The following RNF130 variants were observed in gnomAD, a reference collection of about 807,000 sequenced individuals.
RNF130 encodes the protein ring finger protein 130.
In RNF130, 21 loss-of-function variants were observed where a neutral mutation model predicts 44.6. The observed-to-expected ratio is 0.47, with a 90% CI of 0.33 to 0.68. The LOEUF is 0.68. RNF130 is among the 30% of genes least tolerant of loss of function. The pLI is 0.02. For synonymous variants in RNF130, 214 were observed against 210.4 expected (o/e 1.02, Z -0.15); for missense variants, 479 against 560.6 (o/e 0.85, Z 1.47).
At chr5:179,966,032 T>C (rs947907028) in intron 7 of RNF130, among the ~76,000 whole-genome samples, 4 of 151,954 alleles carry the variant, frequency 2.6e-5, no homozygotes, top group Admixed American at 6.6e-5. Flanking sequence ...GGGTGAAAGG[T>C]TGTTAGATGA....
At chr5:180,012,409 G>T (rs959950968) in intron 3 of RNF130, among the ~76,000 whole-genome samples, 3 of 152,130 alleles carry the variant, frequency 2.0e-5, no homozygotes, top group Non-Finnish European at 4.4e-5. Context: ...TCTGTCCACA[G>T]CACATCAATC....
At chr5:180,038,051 T>C (rs1764288951) in intron 2 of RNF130, among the ~76,000 whole-genome samples, 1 of 152,142 alleles carries the variant, frequency 6.6e-6, no homozygotes, top group Non-Finnish European at 1.5e-5. Flanking sequence ...GGGTTTTTTG[T>C]TTAGTTTTGT....
intron 1 of RNF130, among the ~76,000 whole-genome samples, chr5:180,061,926 G>A (rs1433858186): frequency 6.6e-6 from 1 of 152,150 alleles, no homozygotes; most frequent in Non-Finnish European, 1.5e-5. Flanking sequence ...AGTTCTGTAG[G>A]CTGGGAAGTC....
chr5:180,061,213 C>G (rs1386237008), intron 1 of RNF130, among the ~76,000 whole-genome samples: 1 of 152,032 alleles, frequency 6.6e-6, no homozygotes, highest in South Asian at 2.1e-4. Context: ...GGCTTAGGAG[C>G]AGCCTCGGTG....
intron 4 of RNF130, among the ~76,000 whole-genome samples, chr5:179,978,488 TATAAC>T (rs1178963258): frequency 6.6e-6 from 1 of 152,256 alleles, no homozygotes; most frequent in Non-Finnish European, 1.5e-5. Flanking sequence ...TTTTAAAAAT[TATAAC>T]AATCTATATT....
At chr5:179,953,334 G>A (rs1426146351), downstream of RNF130, among the ~76,000 whole-genome samples, 1 of 150,264 alleles carries the variant, frequency 6.7e-6, no homozygotes, top group African/African-American at 2.5e-5. Context: ...AGATTGAGAA[G>A]TTGATTCTAA....
intron 7 of RNF130, among the ~76,000 whole-genome samples, chr5:179,926,664 T>C (rs1761711548): frequency 6.6e-6 from 1 of 151,852 alleles, no homozygotes. Flanking sequence ...ATAAAATAAA[T>C]AAATAAATAA....
At chr5:179,960,476 A>C in intron 8 of RNF130, among the ~76,000 whole-genome samples, 1 of 152,242 alleles carries the variant, frequency 6.6e-6, no homozygotes, top group Non-Finnish European at 1.5e-5. Context: ...TGGTCAATGC[A>C]CCGAGCGTGG....
intron 1 of RNF130, among the ~76,000 whole-genome samples, chr5:180,055,440 T>TCTGTGTTTG (rs57927481): frequency 1.3e-5 from 2 of 150,664 alleles, no homozygotes; most frequent in Non-Finnish European, 3.0e-5. Flanking sequence ...TCAGATGACT[T>TCTGTGTTTG]TGTGTGTGTG....
chr5:180,046,045 G>A (rs953183986), intron 1 of RNF130, among the ~76,000 whole-genome samples: 1 of 152,162 alleles, frequency 6.6e-6, no homozygotes, highest in Non-Finnish European at 1.5e-5. Context: ...TGGACGGAGG[G>A]GGGTGGGGCT....
intron 1 of RNF130, among the ~76,000 whole-genome samples, chr5:180,042,394 A>T (rs1210298727): frequency 6.6e-6 from 1 of 152,194 alleles, no homozygotes; most frequent in Non-Finnish European, 1.5e-5. Context: ...CCTTTTCCTT[A>T]AAAGGTTTCT....
chr5:179,985,648 C>T (rs1221394137), intron 3 of RNF130, among the ~76,000 whole-genome samples: 1 of 152,190 alleles, frequency 6.6e-6, no homozygotes, highest in African/African-American at 2.4e-5. Context: ...CTATTCGGTC[C>T]TCCCTGTTTT....
intron 1 of RNF130, among the ~76,000 whole-genome samples, chr5:180,056,657 C>T (rs1764831497): frequency 6.6e-6 from 1 of 152,192 alleles, no homozygotes; most frequent in African/African-American, 2.4e-5. Context: ...AATTCTTCCT[C>T]TCTTAAGAGT....
chr5:179,924,934 C>G (rs1761684965), intron 7 of RNF130, among the ~76,000 whole-genome samples: 1 of 152,190 alleles, frequency 6.6e-6, no homozygotes. Flanking sequence ...CCCCCAGAAG[C>G]ATCAGCACAA....
chr5:179,951,607 T>A (rs191406975), downstream of RNF130, among the ~76,000 whole-genome samples: 441 of 152,262 alleles, frequency 2.9e-3, 6 homozygotes, highest in African/African-American at 0.01. Context: ...ATGGTCTCGA[T>A]CAGAATATGT....
chr5:180,014,044 C>T (rs1763657942), intron 2 of RNF130, among the ~76,000 whole-genome samples: 1 of 152,226 alleles, frequency 6.6e-6, no homozygotes, highest in African/African-American at 2.4e-5. Flanking sequence ...GTTCCAGAGA[C>T]AGGTCCAGGC....
intron 3 of RNF130, among the ~76,000 whole-genome samples, chr5:179,982,886 C>G (rs1561680040): frequency 6.6e-6 from 1 of 152,154 alleles, no homozygotes; most frequent in African/African-American, 2.4e-5. Context: ...ACGCAGCCTC[C>G]TTACAGTTTT....
Position 180,043,069 on chromosome 5 carries a change from A to ACTTTGGGAGGC in RNF130, c.248-2423_248-2422insGCCTCCCAAAG, listed in dbSNP as rs1764464104. The stretch of plus-strand genomic sequence containing the variant: ...GTGGTGGCACACACCTGTAATCCCA[A>ACTTTGGGAGGC]CACTTTGGGAGGCCAAGGTGGGAAG... On this transcript the variant is annotated intron_variant, in intron 1 of 8. Transcript: ENST00000521389. Among the ~76,000 whole-genome samples, 3 of 152,236 alleles carry ACTTTGGGAGGC rather than the reference A, an allele frequency of 2.0e-5. No homozygotes were observed. The South Asian group carries it at 6.2e-4, about 32-fold the overall frequency.
intron 1 of RNF130, among the ~76,000 whole-genome samples, chr5:180,059,193 G>A (rs1764912139): frequency 6.6e-6 from 1 of 151,940 alleles, no homozygotes; most frequent in African/African-American, 2.4e-5. Flanking sequence ...ATATTTCCTT[G>A]GACTGAAACA....
Sources: gnomAD v4.1 joint callset for allele counts (sites outside exome capture counted in the v4.1 genomes callset) on GRCh38, gnomAD v4.1.1 for gene constraint, MANE v1.5 for transcripts, NCBI Gene and HGNC (gene_info 2026-07-23, HGNC 2026-07-21) for gene names.